Variants in LRRC9 observed in about 807,000 individuals in gnomAD.
The protein encoded by LRRC9 is leucine rich repeat containing 9.
LRRC9 carries 122 observed loss-of-function variants against 63.2 expected under a neutral mutation model. The observed-to-expected ratio is 1.93, with a 90% CI of 1.67 to 2.24. The LOEUF is 2.24. LRRC9 is among the 30% of genes most tolerant of loss of function. The pLI, the probability that LRRC9 is intolerant of heterozygous loss-of-function variation, is 0.00. For synonymous variants in LRRC9, 366 were observed against 213.1 expected (o/e 1.72, Z -6.25); for missense variants, 1,071 against 627.7 (o/e 1.71, Z -7.55).
chr14:60,047,429 A>T (rs1048299460), intron 29 of LRRC9, among the ~76,000 whole-genome samples: 3 of 152,106 alleles, frequency 2.0e-5, no homozygotes, highest in Admixed American at 2.0e-4. Context: ...GCAAAGACAC[A>T]CATAGGCTCA....
At chr14:60,052,734 T>C (rs1437895527) in intron 29 of LRRC9, among the ~76,000 whole-genome samples, 1 of 152,228 alleles carries the variant, frequency 6.6e-6, no homozygotes, top group Non-Finnish European at 1.5e-5. Context: ...AGATAGTGCC[T>C]GTGGGAAAAT....
rs544502103 is a variant in LRRC9 at position 59,985,920 on chromosome 14, CT to C, written c.2211+699del. On this transcript the variant is annotated intron_variant, in intron 17 of 31. Transcript: ENST00000445360. ...TTCTCAAATTTGCTTTTAAAATGTA[CT>C]TTGGTGTAATTTCCATTTTTTTCTA... 2.0e-5 allele frequency among the ~76,000 whole-genome samples: 3 copies of C among 152,156 alleles called. No homozygotes were observed. The South Asian group carries it at 6.2e-4, about 32-fold the overall frequency.
In LRRC9 at chr14:59,952,420, A is replaced by T. The variant is rs545017594; in HGVS notation, c.883-7398A>T. 2.6e-5 allele frequency among the ~76,000 whole-genome samples: 4 copies of T among 152,122 alleles called. No individual in the cohort carries two copies. In the East Asian group the frequency reaches 7.8e-4, roughly 30 times the overall value. On this transcript the variant is annotated intron_variant, in intron 8 of 31. Transcript: ENST00000445360. ...TGTCTGGCACTCCCTAGTGAGATGA[A>T]CCGGGTACCTCAGATGGAAATGCAG...
chr14:60,034,015 C>CTTTTTTTT (rs1157239003), intron 29 of LRRC9, among the ~76,000 whole-genome samples: 3 of 116,018 alleles, frequency 2.6e-5, no homozygotes, highest in African/African-American at 1.1e-4. Context: ...TTTTTTCTTT[C>CTTTTTTTT]TTTTTTTTTT....
At position 59,990,495 on chromosome 14, in the gene LRRC9, T is replaced by A. The variant is rs1345854551; in HGVS notation, c.2211+5271T>A. ...CATAGAGTACACTGCAGCCTCAACT[T>A]CCTGGGCTCAAGTGATCCCCTTGCC... On this transcript the variant is annotated intron_variant, in intron 17 of 31. Transcript: ENST00000445360. The surrounding 1 kb of genome is among the most constrained non-coding windows in gnomAD (Gnocchi z 4.2). Among the ~76,000 whole-genome samples, 1 of 151,904 alleles carries A rather than the reference T, an allele frequency of 6.6e-6. No individual in the cohort carries two copies. The highest frequency in any genetic ancestry group is 1.5e-5 in the Non-Finnish European group (1 of 67,976).
At chr14:60,054,628 C>G (rs945772156) in intron 30 of LRRC9, among the ~76,000 whole-genome samples, 1 of 152,134 alleles carries the variant, frequency 6.6e-6, no homozygotes, top group African/African-American at 2.4e-5. Context: ...TCTCCAAAAA[C>G]AACCAAATAA....
intron 17 of LRRC9, among the ~76,000 whole-genome samples, chr14:59,996,049 T>A (rs1161204230): frequency 6.6e-6 from 1 of 152,110 alleles, no homozygotes; most frequent in African/African-American, 2.4e-5. Flanking sequence ...CAGAAGACAG[T>A]TATATTTTTA....
intron 17 of LRRC9, among the ~76,000 whole-genome samples, chr14:59,987,917 T>C (rs1887651853): frequency 6.6e-6 from 1 of 152,222 alleles, no homozygotes; most frequent in African/African-American, 2.4e-5. Flanking sequence ...TCCACCAGTT[T>C]TCAAGATAAT....
At chr14:59,933,213 T>G (rs1162988842) in intron 6 of LRRC9, among the ~76,000 whole-genome samples, 1 of 152,124 alleles carries the variant, frequency 6.6e-6, no homozygotes, top group Non-Finnish European at 1.5e-5. Flanking sequence ...CGTCACAACC[T>G]CCCCAACCTG....
chr14:59,921,717 ATTT>A (rs57938700), intron 1 of LRRC9, among the ~76,000 whole-genome samples: 3 of 121,166 alleles, frequency 2.5e-5, no homozygotes, highest in Admixed American at 8.5e-5. Flanking sequence ...GGGCAGTTGG[ATTT>A]TTTTTTTTTT....
rs371928850 is a variant in LRRC9, at chr14:60,014,248, T to C, written c.3187-2412T>C. 3.9e-5 allele frequency among the ~76,000 whole-genome samples: 6 copies of C among 152,188 alleles called. No individual in the cohort carries two copies. In the East Asian group the frequency reaches 9.7e-4, roughly 24 times the overall value. The stretch of plus-strand genomic sequence containing the variant: ...GACTTAAATATTTTCACCATATACA[T>C]TGAGAACCAATGAGACAATATTATA... On this transcript the variant is annotated intron_variant, in intron 23 of 31. Coordinates refer to ENST00000445360, the Ensembl canonical transcript of LRRC9.
rs138360259 is a variant in LRRC9 at position 60,004,788 on chromosome 14, C to G, written c.2842+990C>G. Among the ~76,000 whole-genome samples the G allele has an allele frequency of 6.6e-6, 1 of 152,146 alleles. No individual in the cohort carries two copies. Among genetic ancestry groups the G allele is most frequent in the Admixed American group, 6.5e-5 (1 of 15,274 alleles). On this transcript the variant is annotated intron_variant, in intron 21 of 31. Transcript: ENST00000445360. The surrounding 1 kb of genome is among the most constrained non-coding windows in gnomAD (Gnocchi z 4.8). ...ACTTTCTCTTATTCTCCCTCTCCAT[C>G]TACTCAAAAGAGTAACTAACTCCTA...
chr14:60,057,182 C>T lies in LRRC9; in HGVS notation c.4132-696C>T, dbSNP rs530299507. 1.1e-4 allele frequency among the ~76,000 whole-genome samples: 16 copies of T among 152,182 alleles called. 1 individual carries two copies. In the East Asian group the frequency reaches 1.7e-3, roughly 17 times the overall value. On this transcript the variant is annotated intron_variant, in intron 30 of 31. Coordinates refer to ENST00000445360, the Ensembl canonical transcript of LRRC9. ...CTGAATCATATGTTCAGAATTCACA[C>T]ATATAAACAAGGTCAGTCTTAACAA... is the stretch of plus-strand genomic sequence containing the variant.
At chr14:60,050,416 A>G (rs1893794324) in intron 29 of LRRC9, among the ~76,000 whole-genome samples, 2 of 152,220 alleles carry the variant, frequency 1.3e-5, no homozygotes, top group Non-Finnish European at 2.9e-5. Flanking sequence ...CAGCTGTATC[A>G]GGTCAGTTAC....
intron 29 of LRRC9, among the ~76,000 whole-genome samples, chr14:60,049,040 T>A (rs1893676525): frequency 6.6e-6 from 1 of 152,162 alleles, no homozygotes; most frequent in Non-Finnish European, 1.5e-5. Context: ...AATCACATAA[T>A]TATTTCAATA....
intron 29 of LRRC9, among the ~76,000 whole-genome samples, chr14:60,032,857 C>T (rs1258923462): frequency 6.6e-6 from 1 of 151,932 alleles, no homozygotes; most frequent in Non-Finnish European, 1.5e-5. Context: ...ACTCCACTTC[C>T]CCTAGTAGAG....
chr14:60,052,959 A>T, intron 29 of LRRC9, 106 bp from the exon 30 acceptor site: 1 of 548,754 alleles, frequency 1.8e-6, no homozygotes, highest in Non-Finnish European at 3.3e-6. Flanking sequence ...TAAGTTAGCT[A>T]TTATTTGTCC....
Position 59,942,534 on chromosome 14 carries a change from G to C in LRRC9, c.727-2055G>C, listed in dbSNP as rs1402033668. On this transcript the variant is annotated intron_variant, in intron 7 of 31. Transcript: ENST00000445360. This position sits in a 1 kb window ranked among gnomAD's most constrained non-coding sequence, Gnocchi z 5.3. ...GAGGTCAGCAGTTTGTAACCAGCCTGGCCAACATGGTGAAACCCCATCTCT... is the reference window on the plus strand; with the variant it reads ...GAGGTCAGCAGTTTGTAACCAGCCTCGCCAACATGGTGAAACCCCATCTCT... Among the ~76,000 whole-genome samples, 1 of 152,128 alleles carries C rather than the reference G, an allele frequency of 6.6e-6. No homozygotes were observed. The highest frequency in any genetic ancestry group is 1.9e-4 in the East Asian group (1 of 5,200).
chr14:59,935,808 G>A (rs1162293374), intron 6 of LRRC9, among the ~76,000 whole-genome samples: 2 of 152,202 alleles, frequency 1.3e-5, no homozygotes, highest in African/African-American at 4.8e-5. Context: ...AAAGGGGTAT[G>A]GCAGATTCTA....
Sources: gnomAD v4.1 joint callset for allele counts (sites outside exome capture counted in the v4.1 genomes callset) on GRCh38, gnomAD v4.1.1 for gene constraint, Gnocchi (gnomAD v3.1) non-coding constraint, MANE v1.5 for transcripts, NCBI Gene and HGNC (gene_info 2026-07-23, HGNC 2026-07-21) for gene names.